The following ADGRG5 variants were observed in gnomAD, a reference collection of about 807,000 sequenced individuals.
The protein encoded by ADGRG5 is G protein-coupled receptor 114.
In ADGRG5, 37 loss-of-function variants were observed where a neutral mutation model predicts 53.2. The ratio of observed to expected loss-of-function variants is 0.70; its 90% CI spans 0.53 to 0.91. The LOEUF is 0.91. Ranked by LOEUF, ADGRG5 falls within the 40% of genes least tolerant of loss-of-function variation. ADGRG5 has a pLI of 0.00. For missense variants in ADGRG5, 614 were observed against 675.8 expected (o/e 0.91, Z 1.01); for synonymous variants, 277 against 290.4 (o/e 0.95, Z 0.47).
chr16:57,539,634 T>TA (rs1463806805), upstream of ADGRG5, among the ~76,000 whole-genome samples: 1 of 151,062 alleles, frequency 6.6e-6, no homozygotes, highest in Admixed American at 6.6e-5. Context: ...TTTTTTTTTT[T>TA]ATAGAGGCAG....
rs759094820 is a variant in ADGRG5 at position 57,567,483 on chromosome 16, C to A, written c.713C>A (p.Ala238Asp). 6.2e-7 allele frequency: 1 copy of A among 1,609,340 alleles called. No homozygotes were observed. The highest frequency in any genetic ancestry group is 8.5e-7 in the Non-Finnish European group (1 of 1,179,864). ...YFAVLMQLSP[A>D]LVPAELLAPL... ...TCCCTCCTGCAGCAACTCTCCCCAG[C>A]CCTGGTCCCTGCAGAGTTGCTGGCA... The change falls in exon 8 of 12, where the codon GCC becomes GAC. Residue 238 changes from alanine to aspartate, a missense_variant. Transcript: ENST00000349457.
upstream of ADGRG5, among the ~76,000 whole-genome samples, chr16:57,542,101 C>T (rs1029657868): frequency 3.3e-5 from 5 of 152,224 alleles, no homozygotes; most frequent in African/African-American, 1.2e-4. Context: ...CTGTCATTAT[C>T]TCCATTTTAC....
chr16:57,563,089 A>C lies in ADGRG5; in HGVS notation c.141-2A>C. On this transcript the variant is annotated splice_acceptor_variant, in intron 3 of 11. Transcript: ENST00000349457. LOFTEE classifies it high-confidence loss of function. The stretch of plus-strand genomic sequence containing the variant: ...CTCCCTGGCCATCTCTCTGGGCTGC[A>C]GTCAACTCCACCAGCTGGAGCAGAT... 2 of 1,614,068 alleles carry C rather than the reference A, an allele frequency of 1.2e-6. No individual in the cohort carries two copies. Among genetic ancestry groups the C allele is most frequent in the Non-Finnish European group, 1.7e-6 (2 of 1,180,014 alleles).
At chr16:57,573,789 T>G (rs2146843065) in intron 10 of ADGRG5, among the ~76,000 whole-genome samples, 1 of 152,322 alleles carries the variant, frequency 6.6e-6, no homozygotes, top group East Asian at 1.9e-4. Flanking sequence ...TGGTGCGATC[T>G]CGGCTCACTG....
chr16:57,575,072 C>T lies in ADGRG5; in HGVS notation c.1466C>T (p.Thr489Ile). 6.2e-7 allele frequency: 1 copy of T among 1,613,376 alleles called. No individual in the cohort carries two copies. Reference sequence around the variant, plus strand: ...CTGCTGCCCCAGCTGTTCCTCTTCACCATCTTAAACTCGCTCTACGGTAGG... The same window carrying T: ...CTGCTGCCCCAGCTGTTCCTCTTCATCATCTTAAACTCGCTCTACGGTAGG... ...VFLLPQLFLF[T>I]ILNSLYGFFL... Residue 489 changes from threonine (T) to isoleucine (I), a missense_variant, in exon 11 of 12, where the codon ACC becomes ATC. By Grantham distance (89) the Thr-to-Ile change is moderately conservative (BLOSUM62 -1). Coordinates refer to ENST00000349457, the MANE Select transcript of ADGRG5 (RefSeq NM_001304376.3).
At chr16:57,564,312 A>AT (rs5817100) in intron 5 of ADGRG5, among the ~76,000 whole-genome samples, 12,697 of 139,734 alleles carry the variant, frequency 0.091, 907 homozygotes, top group African/African-American at 0.19. Context: ...GACCTTACAG[A>AT]TTTTTTTTTT....
In ADGRG5 at chr16:57,563,176, C is replaced by T; in HGVS notation, c.226C>T (p.Leu76=). 3.1e-6 allele frequency: 5 copies of T among 1,614,196 alleles called. No individual in the cohort carries two copies. The highest frequency in any genetic ancestry group is 4.2e-6 in the Non-Finnish European group (5 of 1,180,008). The change falls in exon 4 of 12, where the codon CTG becomes TTG. Residue 76 remains leucine, a synonymous_variant. Coordinates refer to ENST00000349457, the MANE Select transcript of ADGRG5 (RefSeq NM_001304376.3). ...CTTGCAGACACCCACCATCCAGTCT[C>T]TGGCCTTCAAGCTGAGCTGTGACTT... ...LTLQTPTIQS[L]AFKLSCDFSG...
chr16:57,529,285 C>A, the ADGRG5 span: 1 of 1,118,376 alleles, frequency 8.9e-7, no homozygotes, highest in African/African-American at 1.7e-5. This position sits in a 1 kb window ranked among gnomAD's most constrained non-coding sequence, Gnocchi z 4.1. Flanking sequence ...CCGTGCCCCG[C>A]TTCCCTCTGG....
chr16:57,529,759 T>C, the ADGRG5 span, among the ~76,000 whole-genome samples: 25,506 of 152,112 alleles, frequency 0.17, 2,577 homozygotes, highest in African/African-American at 0.29. This position sits in a 1 kb window ranked among gnomAD's most constrained non-coding sequence, Gnocchi z 4.1. Flanking sequence ...CCTGGAGCAC[T>C]TCAGGCCAGG....
At chr16:57,539,260 G>A (rs573142809), upstream of ADGRG5, among the ~76,000 whole-genome samples, 1 of 152,288 alleles carries the variant, frequency 6.6e-6, no homozygotes, top group East Asian at 1.9e-4. Context: ...CTAAGATGAG[G>A]CACTTAGAGT....
chr16:57,542,625 C>G (rs1039488623), upstream of ADGRG5: 6 of 147,662 alleles, frequency 4.1e-5, no homozygotes, highest in African/African-American at 7.6e-5. Flanking sequence ...AGACGCCTCC[C>G]GACTTCCCCT....
chr16:57,542,251 T>C (rs1215450463), upstream of ADGRG5, among the ~76,000 whole-genome samples: 1 of 152,214 alleles, frequency 6.6e-6, no homozygotes. Context: ...TGCCATCAAT[T>C]GTCAGGTCAG....
the ADGRG5 span, among the ~76,000 whole-genome samples, chr16:57,531,643 C>T: frequency 6.6e-6 from 1 of 152,158 alleles, no homozygotes; most frequent in African/African-American, 2.4e-5. Flanking sequence ...GTTACTCCCT[C>T]TAGGACTCAA....
At chr16:57,557,169 C>G (rs868145856) in intron 1 of ADGRG5, among the ~76,000 whole-genome samples, 8 of 152,152 alleles carry the variant, frequency 5.3e-5, no homozygotes, top group Admixed American at 2.0e-4. Flanking sequence ...CTCAGCCTCC[C>G]AAAGTGCAGG....
rs773226393 is a variant in ADGRG5 at position 57,562,058 on chromosome 16, C to T, written c.-36C>T. The T allele has an allele frequency of 1.3e-5, 20 of 1,507,952 alleles. No homozygotes were observed. In the East Asian group the frequency reaches 3.9e-4, roughly 30 times the overall value. 93.4% of individuals were successfully genotyped at this position (1,507,952 alleles called of 1,614,324 possible). A position where few individuals can be genotyped will look rare whatever the true frequency, so the allele number is the denominator to read the frequency against. ...GTGATGGCATGCACCTTTTTCAGGG[C>T]CGGAGCCAGTTCTTGGAGGAGACTC... On this transcript the variant is annotated splice_region_variant and 5_prime_UTR_variant, in exon 2 of 12. Coordinates refer to ENST00000349457, the MANE Select transcript of ADGRG5 (RefSeq NM_001304376.3).
intron 6 of ADGRG5, chr16:57,565,587 G>A (rs1388303743): frequency 1.8e-5 from 4 of 226,232 alleles, no homozygotes; most frequent in African/African-American, 6.8e-5. Flanking sequence ...CTCTTCCCCC[G>A]ACTCCCCACC....
intron 1 of ADGRG5, among the ~76,000 whole-genome samples, chr16:57,555,258 C>T (rs1374372337): frequency 2.0e-5 from 3 of 152,134 alleles, no homozygotes; most frequent in Non-Finnish European, 2.9e-5. Context: ...TTGTAGTTCC[C>T]ATAATCTCCA....
intron 10 of ADGRG5, among the ~76,000 whole-genome samples, chr16:57,571,656 C>CTTTT (rs61698586): frequency 4.5e-5 from 6 of 134,022 alleles, no homozygotes; most frequent in African/African-American, 8.4e-5. Flanking sequence ...TCTTTTTTTT[C>CTTTT]TTTTTTTTTT....
rs764661226 is a variant in ADGRG5 at position 57,567,876 on chromosome 16, C to T, written c.842C>T (p.Thr281Ile). The stretch of plus-strand genomic sequence containing the variant: ...TGCAGGAAGCAGAGTGACTCCTTAA[C>T]ACGCATCCACATGAACCTGCATGCC... Reference protein sequence around the residue: ...FHFRKQSDSLTRIHMNLHASV... With the variant: ...FHFRKQSDSLIRIHMNLHASV... Residue 281 changes from threonine (T) to isoleucine (I), a missense_variant, in exon 9 of 12, where the codon ACA becomes ATA. By Grantham distance (89) the Thr-to-Ile change is moderately conservative. Transcript: ENST00000349457. 17 of 1,611,264 alleles carry T rather than the reference C, an allele frequency of 1.1e-5. No individual in the cohort carries two copies. In the African/African-American group the frequency reaches 2.1e-4, roughly 20 times the overall value.
Sources: allele counts gnomAD v4.1 joint callset (sites outside exome capture counted in the v4.1 genomes callset), GRCh38; gene constraint gnomAD v4.1.1; non-coding constraint Gnocchi (gnomAD v3.1); transcripts MANE v1.5; gene names NCBI Gene and HGNC (gene_info 2026-07-23, HGNC 2026-07-21).